Variants in RERE observed in about 807,000 individuals in gnomAD.
RERE encodes the protein arginine-glutamic acid dipeptide repeats protein.
Under a neutral mutation model 146.1 loss-of-function variants are expected in RERE, and 40 were observed. That is an observed-to-expected ratio of 0.27 (90% CI 0.21 to 0.36). RERE has a LOEUF of 0.36. Among genes scored for constraint, RERE ranks in the 10% least tolerant of loss-of-function variants. The pLI, the probability that RERE is intolerant of heterozygous loss-of-function variation, is 1.00. For synonymous variants in RERE, 1,003 were observed against 866.0 expected, an observed-to-expected ratio of 1.16 and a Z score of -2.78; for missense variants, 1,933 against 2,138.7, an observed-to-expected ratio of 0.90 and a Z score of 1.90.
intron 1 of RERE, chr1:8,786,480 T>C: frequency 2.3e-6 from 2 of 858,974 alleles, no homozygotes; most frequent in Non-Finnish European, 4.0e-6. Flanking sequence ...GCTTGTAGAT[T>C]AGTTCATTTA....
In RERE at chr1:8,638,576, T is replaced by C. The variant is rs542279304; in HGVS notation, c.326-14196A>G. 9.8e-5 allele frequency among the ~76,000 whole-genome samples: 15 copies of C among 152,318 alleles called. No homozygotes were observed. The South Asian group carries it at 2.9e-3, about 30-fold the overall frequency. On this transcript the variant is annotated intron_variant, in intron 2 of 22. Coordinates refer to ENST00000400908, the MANE Select transcript of RERE (RefSeq NM_001042681.2). ...GTGGCATGGAAATAAATTCAGGACA[T>C]GTTAAGAACCACATCACAAAACTGC...
chr1:8,422,340 T>A (rs1643921799), intron 12 of RERE, among the ~76,000 whole-genome samples: 1 of 152,236 alleles, frequency 6.6e-6, no homozygotes, highest in Non-Finnish European at 1.5e-5. Context: ...ACCTCTGGTT[T>A]GGTTGATGAT....
intron 1 of RERE, among the ~76,000 whole-genome samples, chr1:8,698,053 A>T (rs1443852178): frequency 6.6e-6 from 1 of 152,228 alleles, no homozygotes; most frequent in African/African-American, 2.4e-5. Context: ...CAAAGGAATA[A>T]AGAACGGCTA....
intron 12 of RERE, among the ~76,000 whole-genome samples, chr1:8,376,604 C>T (rs1234744368): frequency 6.6e-6 from 1 of 152,210 alleles, no homozygotes; most frequent in Non-Finnish European, 1.5e-5. Flanking sequence ...GCTTCTGATA[C>T]AGGAGAAGCC....
intron 11 of RERE, among the ~76,000 whole-genome samples, chr1:8,454,494 T>C (rs910403270): frequency 2.6e-5 from 4 of 151,948 alleles, no homozygotes; most frequent in African/African-American, 7.3e-5. Context: ...TTTCCTATAA[T>C]TTTTTAGATT....
At chr1:8,740,563 TAAC>T (rs896202045) in intron 1 of RERE, among the ~76,000 whole-genome samples, 6 of 152,348 alleles carry the variant, frequency 3.9e-5, no homozygotes, top group South Asian at 2.1e-4. Flanking sequence ...TTTTGACTCT[TAAC>T]AACTCAGCTT....
intron 1 of RERE, chr1:8,786,956 G>A (rs1489474676): frequency 7.4e-5 from 49 of 662,972 alleles, no homozygotes; most frequent in Admixed American, 3.1e-4. Context: ...GGTAAAGATC[G>A]CAGTCTAACT....
intron 1 of RERE, among the ~76,000 whole-genome samples, chr1:8,753,096 A>G (rs917930162): frequency 6.6e-6 from 1 of 152,230 alleles, no homozygotes; most frequent in African/African-American, 2.4e-5. Context: ...AGAGGTTAGC[A>G]TAAATGATTC....
intron 12 of RERE, among the ~76,000 whole-genome samples, chr1:8,374,487 C>T (rs1332976346): frequency 1.3e-5 from 2 of 152,168 alleles, no homozygotes; most frequent in East Asian, 3.9e-4. Flanking sequence ...CTGTGTTGTT[C>T]TGGTGGATGA....
chr1:8,420,824 G>A (rs1307659129), intron 12 of RERE, among the ~76,000 whole-genome samples: 2 of 152,150 alleles, frequency 1.3e-5, no homozygotes, highest in Non-Finnish European at 2.9e-5. Context: ...GAGGCTAGTG[G>A]AAAAGACAAC....
At chr1:8,498,782 T>C (rs1645087098) in intron 8 of RERE, among the ~76,000 whole-genome samples, 1 of 134,432 alleles carries the variant, frequency 7.4e-6, no homozygotes, top group Admixed American at 7.5e-5. Flanking sequence ...TGTAGTTGAA[T>C]TGACCTGTGG....
intron 7 of RERE, among the ~76,000 whole-genome samples, chr1:8,508,936 A>G (rs1645293164): frequency 6.6e-6 from 1 of 151,910 alleles, no homozygotes; most frequent in Admixed American, 6.6e-5. Flanking sequence ...TTTTTTTGAG[A>G]CAGAGTCTCA....
In RERE at chr1:8,423,646, C is replaced by T; in HGVS notation, c.1204-839G>A. The stretch of plus-strand genomic sequence containing the variant: ...GGTCCGGGGCGGCAAGAGGCCGTCG[C>T]CTGTCACTGGGCTCCGGCTCCACAA... On this transcript the variant is annotated intron_variant, in intron 11 of 22. Coordinates refer to ENST00000400908, the MANE Select transcript of RERE (RefSeq NM_001042681.2). This position sits in a 1 kb window ranked among gnomAD's most constrained non-coding sequence, Gnocchi z 5.4. 1 of 984,806 alleles carries T rather than the reference C, an allele frequency of 1.0e-6. No individual in the cohort carries two copies. The highest frequency in any genetic ancestry group is 1.2e-6 in the Non-Finnish European group (1 of 829,766). 61.0% of individuals were successfully genotyped at this position (984,806 alleles called of 1,614,324 possible). A position where few individuals can be genotyped will look rare whatever the true frequency, so the allele number is the denominator to read the frequency against.
chr1:8,790,750 A>AT lies in RERE; in HGVS notation c.-145+26409dup, dbSNP rs1256238391. Among the ~76,000 whole-genome samples, 4 of 152,108 alleles carry AT rather than the reference A, an allele frequency of 2.6e-5. No individual in the cohort carries two copies. In the East Asian group the frequency reaches 5.8e-4, roughly 22 times the overall value. Reference sequence around the variant, plus strand: ...AGGCATGCGCCACCATGCCCAAATAATTTTTTTGTATTTTTAGTAGAGATG... The same window carrying AT: ...AGGCATGCGCCACCATGCCCAAATAATTTTTTTTGTATTTTTAGTAGAGATG... On this transcript the variant is annotated intron_variant, in intron 1 of 22. Transcript: ENST00000400908.
chr1:8,747,772 AAG>A (rs1640450753), intron 1 of RERE, among the ~76,000 whole-genome samples: 1 of 152,034 alleles, frequency 6.6e-6, no homozygotes. Context: ...TAAAGATAAT[AAG>A]AGAGTAGGTA....
rs114762723 is a variant in RERE at position 8,698,540 on chromosome 1, C to T, written c.-144-42099G>A. ...CCCACCAGTCACATATAAATGGACCCTTTCTTAAAACTACAACTACAAAAG... is the reference window on the plus strand; with the variant it reads ...CCCACCAGTCACATATAAATGGACCTTTTCTTAAAACTACAACTACAAAAG... On this transcript the variant is annotated intron_variant, in intron 1 of 22. Transcript: ENST00000400908. Among the ~76,000 whole-genome samples, 1,190 of 152,266 alleles carry T rather than the reference C, an allele frequency of 7.8e-3. 18 individuals are homozygous for T. Among genetic ancestry groups the T allele is most frequent in the African/African-American group, 0.028 (1,155 of 41,552 alleles).
chr1:8,780,073 T>A (rs569033481), intron 1 of RERE, among the ~76,000 whole-genome samples: 3 of 152,176 alleles, frequency 2.0e-5, no homozygotes, highest in African/African-American at 7.2e-5. Context: ...GCACCTGTAA[T>A]CCCAGCTACT....
intron 1 of RERE, among the ~76,000 whole-genome samples, chr1:8,712,901 A>G (rs1162606429): frequency 2.0e-5 from 3 of 152,128 alleles, no homozygotes; most frequent in Non-Finnish European, 4.4e-5. Context: ...AAGGTTGAGA[A>G]ATGTTTGTTT....
chr1:8,472,303 T>C (rs1011173353), intron 10 of RERE, among the ~76,000 whole-genome samples: 1 of 152,254 alleles, frequency 6.6e-6, no homozygotes, highest in Non-Finnish European at 1.5e-5. Flanking sequence ...CATAATTTCA[T>C]ACTGTGAAAA....
Sources: gnomAD v4.1 joint callset for allele counts (sites outside exome capture counted in the v4.1 genomes callset) on GRCh38, gnomAD v4.1.1 for gene constraint, Gnocchi (gnomAD v3.1) non-coding constraint, MANE v1.5 for transcripts, NCBI Gene and HGNC (gene_info 2026-07-23, HGNC 2026-07-21) for gene names.